The following SLC8A3 variants were observed in gnomAD, a reference collection of about 807,000 sequenced individuals.
SLC8A3 encodes the protein solute carrier family 8 member A3.
In SLC8A3, 37 loss-of-function variants were observed where a neutral mutation model predicts 65.4. The observed-to-expected ratio is 0.57, with a 90% CI of 0.44 to 0.74. SLC8A3 has a LOEUF of 0.74. Among genes scored for constraint, SLC8A3 ranks in the 30% least tolerant of loss-of-function variants. The pLI is 0.00. For synonymous variants in SLC8A3, 461 were observed against 444.5 expected, an observed-to-expected ratio of 1.04 and a Z score of -0.47; for missense variants, 1,112 against 1,172.1, an observed-to-expected ratio of 0.95 and a Z score of 0.75.
chr14:70,077,545 A>G (rs1014565391), intron 2 of SLC8A3, among the ~76,000 whole-genome samples: 30 of 152,120 alleles, frequency 2.0e-4, no homozygotes, highest in African/African-American at 6.0e-4. Context: ...GGGAGAACCA[A>G]TGGTATCAGT....
At chr14:70,109,434 C>T (rs2140136660) in intron 2 of SLC8A3, among the ~76,000 whole-genome samples, 1 of 135,052 alleles carries the variant, frequency 7.4e-6, no homozygotes, top group East Asian at 2.1e-4. Context: ...TATATATATA[C>T]ATGTATATGT....
intron 2 of SLC8A3, among the ~76,000 whole-genome samples, chr14:70,098,842 T>C (rs1378799029): frequency 6.6e-5 from 10 of 152,178 alleles, no homozygotes; most frequent in Admixed American, 6.5e-4. Flanking sequence ...AGTGCTTTGA[T>C]TATATCCAAG....
At chr14:70,083,283 C>T (rs1350877671) in intron 2 of SLC8A3, among the ~76,000 whole-genome samples, 1 of 152,100 alleles carries the variant, frequency 6.6e-6, no homozygotes, top group African/African-American at 2.4e-5. Context: ...AAATGCTTCC[C>T]CATGCATGAC....
chr14:70,050,969 C>T, intron 5 of SLC8A3, 39 bp downstream of exon 5: 1 of 1,378,576 alleles, frequency 7.3e-7, no homozygotes, highest in Non-Finnish European at 1.0e-6. Flanking sequence ...CAGAGGTTGC[C>T]TGCTTCTCCC....
chr14:70,069,967 C>T (rs1391241648), intron 2 of SLC8A3, among the ~76,000 whole-genome samples: 1 of 152,084 alleles, frequency 6.6e-6, no homozygotes. Context: ...CCAAAAGATC[C>T]CCTGGAGAAG....
chr14:70,076,622 G>A (rs1349799538), intron 2 of SLC8A3, among the ~76,000 whole-genome samples: 11 of 152,006 alleles, frequency 7.2e-5, no homozygotes, highest in Admixed American at 5.9e-4. Context: ...ACTCCCTCCC[G>A]AGCACTATTA....
chr14:70,053,663 A>G (rs1594893213), intron 3 of SLC8A3, among the ~76,000 whole-genome samples: 1 of 152,224 alleles, frequency 6.6e-6, no homozygotes, highest in East Asian at 1.9e-4. Context: ...CACTATATCC[A>G]TCTGGCAGGA....
chr14:70,048,747 C>T lies in SLC8A3; in HGVS notation c.2389+20G>A, dbSNP rs1393945253. 3.1e-6 allele frequency: 5 copies of T among 1,609,790 alleles called. No homozygotes were observed. Among genetic ancestry groups the T allele is most frequent in the Non-Finnish European group, 3.4e-6 (4 of 1,177,776 alleles). Reference sequence around the variant, plus strand: ...CCAGGTAAAATCCTCTTTGCAAATTCAAGCACCTCTCACTCTCACCTGGGA... The same window carrying T: ...CCAGGTAAAATCCTCTTTGCAAATTTAAGCACCTCTCACTCTCACCTGGGA... On this transcript the variant is annotated intron_variant, in intron 6 of 6. Transcript: ENST00000356921.
intron 2 of SLC8A3, among the ~76,000 whole-genome samples, chr14:70,099,262 G>A (rs1312954113): frequency 6.6e-6 from 1 of 152,196 alleles, no homozygotes; most frequent in Non-Finnish European, 1.5e-5. Flanking sequence ...TGTAAGGTTT[G>A]TAAATTTTAA....
At chr14:70,161,852 C>A (rs1329161947) in intron 2 of SLC8A3, among the ~76,000 whole-genome samples, 3 of 152,176 alleles carry the variant, frequency 2.0e-5, no homozygotes, top group African/African-American at 7.2e-5. Flanking sequence ...AGAAAGATTT[C>A]TTGGGGTTAA....
intron 2 of SLC8A3, among the ~76,000 whole-genome samples, chr14:70,107,942 T>C (rs1892988316): frequency 6.6e-6 from 1 of 152,138 alleles, no homozygotes; most frequent in Non-Finnish European, 1.5e-5. Context: ...GATAGATGTT[T>C]GGCATCCGTG....
chr14:70,101,052 G>T (rs554820485), intron 2 of SLC8A3, among the ~76,000 whole-genome samples: 5 of 152,310 alleles, frequency 3.3e-5, no homozygotes, highest in African/African-American at 1.2e-4. Flanking sequence ...AAAGACAGAA[G>T]TCAATTCATT....
intron 1 of SLC8A3, among the ~76,000 whole-genome samples, chr14:70,182,059 A>G (rs1228617572): frequency 2.0e-5 from 3 of 152,166 alleles, no homozygotes; most frequent in Non-Finnish European, 4.4e-5. Flanking sequence ...GGTGTTTGGG[A>G]TGAAGAAGAG....
intron 2 of SLC8A3, among the ~76,000 whole-genome samples, chr14:70,166,361 C>T (rs1227904191): frequency 6.6e-6 from 1 of 152,206 alleles, no homozygotes; most frequent in Non-Finnish European, 1.5e-5. Flanking sequence ...ACAGCTCCAC[C>T]AGCTATCATT....
chr14:70,094,158 C>T (rs1166842410), intron 2 of SLC8A3, among the ~76,000 whole-genome samples: 3 of 152,196 alleles, frequency 2.0e-5, no homozygotes, highest in Non-Finnish European at 4.4e-5. Context: ...CTCTGACAGC[C>T]AGTCCATGGC....
intron 2 of SLC8A3, among the ~76,000 whole-genome samples, chr14:70,064,666 A>T (rs927758776): frequency 5.3e-5 from 8 of 152,228 alleles, no homozygotes; most frequent in African/African-American, 1.9e-4. Flanking sequence ...AGTCACAGGG[A>T]TGAGCCAGCT....
intron 2 of SLC8A3, among the ~76,000 whole-genome samples, chr14:70,102,913 A>T (rs1468083288): frequency 1.3e-5 from 2 of 152,020 alleles, no homozygotes; most frequent in Non-Finnish European, 2.9e-5. Flanking sequence ...AAATTTTTCC[A>T]AATTCGCTGA....
intron 2 of SLC8A3, among the ~76,000 whole-genome samples, chr14:70,102,101 C>G (rs1420498915): frequency 6.6e-6 from 1 of 152,188 alleles, no homozygotes; most frequent in East Asian, 1.9e-4. Flanking sequence ...CAACAGAGAT[C>G]TCTTCTTACA....
chr14:70,061,686 G>A (rs987034781), intron 2 of SLC8A3, among the ~76,000 whole-genome samples: 3 of 152,104 alleles, frequency 2.0e-5, no homozygotes, highest in Non-Finnish European at 4.4e-5. Context: ...ATATTACATA[G>A]GAATCCTTTA....
Sources: allele counts gnomAD v4.1 joint callset (sites outside exome capture counted in the v4.1 genomes callset), GRCh38; gene constraint gnomAD v4.1.1; transcripts MANE v1.5; gene names NCBI Gene and HGNC (gene_info 2026-07-23, HGNC 2026-07-21).